Variants in PARD3 observed in about 807,000 individuals in gnomAD.
PARD3 encodes the protein par-3 family cell polarity regulator, also known as partitioning defective 3 homolog.
In PARD3, 75 loss-of-function variants were observed where a neutral mutation model predicts 155.4. The observed-to-expected ratio is 0.48, with a 90% confidence interval of 0.40 to 0.58. The LOEUF (loss-of-function observed/expected upper bound fraction) is 0.58. Ranked by LOEUF, PARD3 falls within the 20% of genes least tolerant of loss-of-function variation. The pLI is 0.00. For synonymous variants in PARD3, 576 were observed against 610.5 expected (o/e 0.94, Z 0.83); for missense variants, 1,642 against 1,721.7 (o/e 0.95, Z 0.82).
rs186321784 is a variant in PARD3, at chr10:34,325,634, C to T, written c.2833+5483G>A. ...ACTGGGTTGAATCATCCCCCAACCC[C>T]GAGCCCTTAGGAACTAATAGCCTAA... On this transcript the variant is annotated intron_variant, in intron 19 of 24. Coordinates refer to ENST00000374788, the MANE Select transcript of PARD3 (RefSeq NM_001184785.2). Among the ~76,000 whole-genome samples the T allele has an allele frequency of 7.8e-4, 119 of 152,200 alleles. 1 individual carries two copies. The highest frequency in any genetic ancestry group is 3.8e-4 in the Non-Finnish European group (26 of 68,002).
At chr10:34,441,286 A>T (rs1341276137) in intron 5 of PARD3, among the ~76,000 whole-genome samples, 1 of 152,196 alleles carries the variant, frequency 6.6e-6, no homozygotes, top group Non-Finnish European at 1.5e-5. Context: ...AAAACATCTT[A>T]TGAGTGTCTT....
At chr10:34,352,480 G>C (rs1016011785) in intron 14 of PARD3, among the ~76,000 whole-genome samples, 2 of 152,194 alleles carry the variant, frequency 1.3e-5, no homozygotes, top group African/African-American at 4.8e-5. Flanking sequence ...AGAGTGCCTG[G>C]GATTGCAGGC....
rs563613612 is a variant in PARD3, at chr10:34,738,333, A to G, written c.121-41914T>C. Among the ~76,000 whole-genome samples, 7 of 152,332 alleles carry G rather than the reference A, an allele frequency of 4.6e-5. No individual in the cohort carries two copies. In the East Asian group the frequency reaches 1.3e-3, roughly 29 times the overall value. ...AGATCCATCTACTCAGACAGGAAGAATCCCATTTTCGTTTGTATTTTATTT... is the reference window on the plus strand; with the variant it reads ...AGATCCATCTACTCAGACAGGAAGAGTCCCATTTTCGTTTGTATTTTATTT... On this transcript the variant is annotated intron_variant, in intron 1 of 24. Coordinates refer to ENST00000374788, the MANE Select transcript of PARD3 (RefSeq NM_001184785.2).
chr10:34,660,394 G>A (rs967912854), intron 2 of PARD3, among the ~76,000 whole-genome samples: 1 of 151,992 alleles, frequency 6.6e-6, no homozygotes, highest in Non-Finnish European at 1.5e-5. Flanking sequence ...CTAAAAAGGG[G>A]CAATTTAAAA....
intron 2 of PARD3, among the ~76,000 whole-genome samples, chr10:34,554,869 A>T (rs1247395201): frequency 6.6e-6 from 1 of 152,218 alleles, no homozygotes; most frequent in Non-Finnish European, 1.5e-5. Context: ...ATACCTAGAC[A>T]TCGAATACTA....
chr10:34,150,233 A>C (rs1948713990), intron 22 of PARD3, among the ~76,000 whole-genome samples: 1 of 152,192 alleles, frequency 6.6e-6, no homozygotes. Context: ...AACACTCAAT[A>C]CGATGAAGAA....
intron 22 of PARD3, among the ~76,000 whole-genome samples, chr10:34,163,798 A>G (rs1420162583): frequency 6.6e-6 from 1 of 152,220 alleles, no homozygotes; most frequent in Non-Finnish European, 1.5e-5. Context: ...CAGAAGAATG[A>G]GAATCCAGGA....
intron 22 of PARD3, among the ~76,000 whole-genome samples, chr10:34,202,856 C>T (rs1458539842): frequency 6.6e-6 from 1 of 152,164 alleles, no homozygotes; most frequent in African/African-American, 2.4e-5. Flanking sequence ...TACTGTGACA[C>T]ACAAATGGCT....
chr10:34,767,834 T>C (rs1290045443), intron 1 of PARD3, among the ~76,000 whole-genome samples: 1 of 151,852 alleles, frequency 6.6e-6, no homozygotes, highest in Non-Finnish European at 1.5e-5. Context: ...CGCACCCTTG[T>C]AATCCCAGCT....
intron 2 of PARD3, among the ~76,000 whole-genome samples, chr10:34,616,618 T>C (rs1010337119): frequency 6.6e-6 from 1 of 152,170 alleles, no homozygotes; most frequent in African/African-American, 2.4e-5. Context: ...AAATACAGCA[T>C]GTTCTCACTT....
At chr10:34,419,646 G>A (rs1229410593) in intron 5 of PARD3, among the ~76,000 whole-genome samples, 3 of 152,132 alleles carry the variant, frequency 2.0e-5, no homozygotes, top group Non-Finnish European at 4.4e-5. Context: ...TAGTTACTAG[G>A]CAGTATTTCG....
chr10:34,595,277 G>A (rs2089143147), intron 2 of PARD3, among the ~76,000 whole-genome samples: 1 of 152,164 alleles, frequency 6.6e-6, no homozygotes. Flanking sequence ...GGGGTAAGGA[G>A]CAAAGATTCA....
At chr10:34,762,132 A>G (rs117428613) in intron 1 of PARD3, among the ~76,000 whole-genome samples, 2,500 of 152,268 alleles carry the variant, frequency 0.016, 30 homozygotes, top group Non-Finnish European at 0.023. Context: ...TCCAAACCTG[A>G]AAGTCACCCA....
At chr10:34,330,717 C>A (rs971930324) in intron 19 of PARD3, among the ~76,000 whole-genome samples, 9 of 152,080 alleles carry the variant, frequency 5.9e-5, no homozygotes, top group Non-Finnish European at 1.3e-4. Flanking sequence ...TAAAATATTA[C>A]TTTTTAAAAA....
chr10:34,644,567 T>C (rs776355959), intron 2 of PARD3, among the ~76,000 whole-genome samples: 1 of 152,190 alleles, frequency 6.6e-6, no homozygotes, highest in Non-Finnish European at 1.5e-5. Context: ...CCAAAATTCT[T>C]AACTGGTGGC....
At chr10:34,570,558 C>G (rs550952067) in intron 2 of PARD3, among the ~76,000 whole-genome samples, 21 of 152,294 alleles carry the variant, frequency 1.4e-4, no homozygotes, top group African/African-American at 4.8e-4. Flanking sequence ...GGAGCTGTGG[C>G]CTGGTCCCCT....
intron 21 of PARD3, among the ~76,000 whole-genome samples, chr10:34,270,593 T>C (rs144555362): frequency 1.6e-3 from 241 of 152,330 alleles, no homozygotes; most frequent in African/African-American, 5.5e-3. Flanking sequence ...ACTTTATATA[T>C]GAAAATATTT....
intron 22 of PARD3, among the ~76,000 whole-genome samples, chr10:34,254,237 G>A (rs1398910580): frequency 6.6e-6 from 1 of 152,004 alleles, no homozygotes; most frequent in African/African-American, 2.4e-5. Flanking sequence ...AAAATTAGCT[G>A]GGCATGGTGG....
chr10:34,781,109 G>T (rs1840188338), intron 1 of PARD3, among the ~76,000 whole-genome samples: 1 of 152,146 alleles, frequency 6.6e-6, no homozygotes. Flanking sequence ...TGGGGACCTG[G>T]GGCACCCCTC....
Sources: allele counts gnomAD v4.1 joint callset (sites outside exome capture counted in the v4.1 genomes callset), GRCh38; gene constraint gnomAD v4.1.1; transcripts MANE v1.5; gene names NCBI Gene and HGNC (gene_info 2026-07-23, HGNC 2026-07-21).